Variants in SPATA17 observed in about 807,000 individuals in gnomAD.
The protein encoded by SPATA17 is spermatogenesis associated 17, also known as spermatogenesis-associated protein 17.
SPATA17 carries 53 observed loss-of-function variants against 62.2 expected under a neutral mutation model. The ratio of observed to expected loss-of-function variants is 0.85; its 90% CI spans 0.68 to 1.07. SPATA17 has a LOEUF of 1.07. Among genes scored for constraint, SPATA17 ranks in the 50% least tolerant of loss-of-function variants. SPATA17 has a pLI of 0.00. For missense variants in SPATA17, 466 were observed against 425.5 expected (o/e 1.10, Z -0.84); for synonymous variants, 146 against 146.8 (o/e 0.99, Z 0.04).
chr1:217,715,948 C>CA (rs1022647567), intron 5 of SPATA17, among the ~76,000 whole-genome samples: 1 of 151,934 alleles, frequency 6.6e-6, no homozygotes, highest in East Asian at 1.9e-4. Flanking sequence ...AAGGATGAAG[C>CA]AAAAAAACTT....
intron 3 of SPATA17, among the ~76,000 whole-genome samples, chr1:217,662,759 G>A (rs541819197): frequency 2.0e-5 from 3 of 152,224 alleles, no homozygotes; most frequent in Admixed American, 6.5e-5. Context: ...GATTGACATT[G>A]TTGCTTTCAC....
intron 9 of SPATA17, among the ~76,000 whole-genome samples, chr1:217,841,469 A>G (rs987344100): frequency 1.3e-5 from 2 of 152,006 alleles, no homozygotes; most frequent in Admixed American, 1.3e-4. Context: ...CATGACATAT[A>G]TATTATTCAG....
intron 5 of SPATA17, among the ~76,000 whole-genome samples, chr1:217,736,683 C>G (rs948842433): frequency 6.6e-6 from 1 of 152,150 alleles, no homozygotes. Context: ...GGGACCAATG[C>G]TGAAAGGCCT....
intron 4 of SPATA17, among the ~76,000 whole-genome samples, chr1:217,678,205 CTTT>C (rs974715757): frequency 9.3e-6 from 1 of 107,552 alleles, no homozygotes; most frequent in Non-Finnish European, 2.0e-5. Flanking sequence ...CTTTTCTTTT[CTTT>C]TTTTTTTTTT....
intron 9 of SPATA17, among the ~76,000 whole-genome samples, chr1:217,839,078 C>T (rs553660155): frequency 6.6e-6 from 1 of 152,090 alleles, no homozygotes; most frequent in South Asian, 2.1e-4. Context: ...ATATTAAAAG[C>T]GACTTTGGGC....
chr1:217,681,153 G>A (rs1671074935), intron 4 of SPATA17, among the ~76,000 whole-genome samples: 1 of 150,944 alleles, frequency 6.6e-6, no homozygotes, highest in African/African-American at 2.4e-5. Context: ...CTTGAACCAG[G>A]GAGTTGGAGG....
At chr1:217,631,615 C>T (rs1669778022) in intron 1 of SPATA17, among the ~76,000 whole-genome samples, 169 bp downstream of exon 1, 1 of 152,132 alleles carries the variant, frequency 6.6e-6, no homozygotes, top group African/African-American at 2.4e-5. Flanking sequence ...TGTTACCATA[C>T]AACGAAATTC....
chr1:217,821,388 A>G (rs997239888), intron 9 of SPATA17, among the ~76,000 whole-genome samples: 8 of 152,132 alleles, frequency 5.3e-5, no homozygotes, highest in Admixed American at 1.3e-4. Context: ...GAATATGCTT[A>G]TCAAAAAAGT....
At chr1:217,750,001 A>C (rs1233788712) in intron 6 of SPATA17, among the ~76,000 whole-genome samples, 5 of 121,264 alleles carry the variant, frequency 4.1e-5, no homozygotes, top group South Asian at 2.5e-4. Context: ...ATATATATAT[A>C]TATATATATA....
chr1:217,775,620 T>C (rs982364109), intron 7 of SPATA17, among the ~76,000 whole-genome samples: 12 of 152,002 alleles, frequency 7.9e-5, no homozygotes, highest in African/African-American at 2.9e-4. Context: ...GAGAATCACT[T>C]GAACTCGGGA....
chr1:217,757,702 C>T (rs1673082824), intron 6 of SPATA17, among the ~76,000 whole-genome samples: 1 of 152,032 alleles, frequency 6.6e-6, no homozygotes, highest in Admixed American at 6.6e-5. Flanking sequence ...TTCGTCAGAG[C>T]TACTTGAGGG....
chr1:217,843,612 A>G (rs1358603350), intron 9 of SPATA17, among the ~76,000 whole-genome samples: 2 of 151,946 alleles, frequency 1.3e-5, no homozygotes, highest in African/African-American at 4.8e-5. Context: ...AGGGGTCAGC[A>G]AACTTTTTTT....
intron 9 of SPATA17, among the ~76,000 whole-genome samples, chr1:217,805,243 C>G (rs963795901): frequency 2.0e-5 from 3 of 152,000 alleles, no homozygotes; most frequent in Non-Finnish European, 4.4e-5. Flanking sequence ...CATGGACAAC[C>G]CTGGAGGATC....
chr1:217,761,260 T>C (rs555981863), intron 6 of SPATA17, among the ~76,000 whole-genome samples: 2 of 152,318 alleles, frequency 1.3e-5, no homozygotes, highest in South Asian at 2.1e-4. Flanking sequence ...TCTTCAGTAA[T>C]TTCTGTATGT....
intron 5 of SPATA17, among the ~76,000 whole-genome samples, chr1:217,726,186 G>T (rs1018564041): frequency 6.6e-6 from 1 of 152,094 alleles, no homozygotes; most frequent in African/African-American, 2.4e-5. Context: ...TGGAGAAATG[G>T]GCAGCTGTGC....
At chr1:217,858,034 G>C (rs1473500839) in intron 9 of SPATA17, among the ~76,000 whole-genome samples, 1 of 152,108 alleles carries the variant, frequency 6.6e-6, no homozygotes, top group Non-Finnish European at 1.5e-5. Context: ...TATATCAGAT[G>C]AGTCCAAAAT....
chr1:217,865,151 G>C (rs1449154039), intron 10 of SPATA17, among the ~76,000 whole-genome samples: 4 of 152,074 alleles, frequency 2.6e-5, no homozygotes, highest in Non-Finnish European at 5.9e-5. Context: ...TGCTTCTGCT[G>C]TTTGTAAAAA....
chr1:217,839,356 G>C (rs1050802583), intron 9 of SPATA17, among the ~76,000 whole-genome samples: 2 of 152,026 alleles, frequency 1.3e-5, no homozygotes, highest in African/African-American at 4.8e-5. Context: ...GCTAATTATG[G>C]CAGCTAATGA....
intron 3 of SPATA17, among the ~76,000 whole-genome samples, chr1:217,661,522 A>G (rs1670569281): frequency 6.6e-6 from 1 of 152,138 alleles, no homozygotes; most frequent in African/African-American, 2.4e-5. Context: ...GACTTCATTA[A>G]CCCACAATAA....
Sources: gnomAD v4.1 joint callset for allele counts (sites outside exome capture counted in the v4.1 genomes callset) on GRCh38, gnomAD v4.1.1 for gene constraint, MANE v1.5 for transcripts, NCBI Gene and HGNC (gene_info 2026-07-23, HGNC 2026-07-21) for gene names.